The following SMCHD1 variants were observed in gnomAD, a reference collection of about 807,000 sequenced individuals.
SMCHD1 encodes structural maintenance of chromosomes flexible hinge domain-containing protein 1.
In SMCHD1, 78 loss-of-function variants were observed where a neutral mutation model predicts 254.7. The observed-to-expected ratio is 0.31, with a 90% confidence interval of 0.26 to 0.37. The LOEUF is 0.37. Among genes scored for constraint, SMCHD1 ranks in the 10% least tolerant of loss-of-function variants. The probability of loss-of-function intolerance (pLI) is 1.00; values close to 1 mark genes in which losing one functional copy is unlikely to be tolerated. For synonymous variants in SMCHD1, 766 were observed against 794.9 expected (o/e 0.96, Z 0.61); for missense variants, 1,840 against 2,408.1 (o/e 0.76, Z 4.94).
At chr18:2,794,906 C>T (rs2076230742) in intron 45 of SMCHD1, among the ~76,000 whole-genome samples, 1 of 152,088 alleles carries the variant, frequency 6.6e-6, no homozygotes, top group Non-Finnish European at 1.5e-5. Flanking sequence ...TTTCTATATA[C>T]TGTTCTGTGG....
chr18:2,789,578 A>G (rs1598450848), intron 45 of SMCHD1, among the ~76,000 whole-genome samples: 1 of 152,052 alleles, frequency 6.6e-6, no homozygotes, highest in Non-Finnish European at 1.5e-5. Flanking sequence ...TTCAGCTTAC[A>G]TTTTTCAACT....
intron 25 of SMCHD1, among the ~76,000 whole-genome samples, chr18:2,736,004 A>T (rs1390629471): frequency 1.3e-5 from 2 of 152,226 alleles, no homozygotes; most frequent in Admixed American, 1.3e-4. Context: ...CCCATCTTCA[A>T]ACTGTTCTGC....
chr18:2,709,232 G>GTATATA (rs1555635615), intron 17 of SMCHD1, among the ~76,000 whole-genome samples: 5 of 79,654 alleles, frequency 6.3e-5, no homozygotes, highest in African/African-American at 1.0e-4. Flanking sequence ...GTGTATATGT[G>GTATATA]TATATATATA....
chr18:2,685,862 C>T (rs1403208409), intron 5 of SMCHD1, among the ~76,000 whole-genome samples: 1 of 152,108 alleles, frequency 6.6e-6, no homozygotes, highest in East Asian at 1.9e-4. Flanking sequence ...TCTATCAGTT[C>T]ATAGATTAAT....
intron 41 of SMCHD1, 118 bp from the exon 42 acceptor site, chr18:2,775,616 T>A (rs2076054246): frequency 1.5e-6 from 1 of 688,630 alleles, no homozygotes; most frequent in Non-Finnish European, 2.2e-6. Context: ...CTTGACAGTT[T>A]ATTTTTAATT....
chr18:2,675,390 G>A (rs142807438), intron 5 of SMCHD1, among the ~76,000 whole-genome samples: 4,630 of 149,306 alleles, frequency 0.031, 133 homozygotes, highest in South Asian at 0.13. Flanking sequence ...TCAGCCTCCC[G>A]AGTAGCTGCG....
At chr18:2,660,962 A>G (rs1006512425) in intron 1 of SMCHD1, among the ~76,000 whole-genome samples, 5 of 152,228 alleles carry the variant, frequency 3.3e-5, no homozygotes, top group African/African-American at 1.2e-4. Flanking sequence ...GATAAAGATA[A>G]TGTGGCACAT....
chr18:2,776,056 T>C, intron 42 of SMCHD1, 132 bp downstream of exon 42: 1 of 802,022 alleles, frequency 1.2e-6, no homozygotes, highest in East Asian at 2.9e-5. Flanking sequence ...TACGTTATTT[T>C]TGTCTTCATC....
intron 5 of SMCHD1, among the ~76,000 whole-genome samples, chr18:2,679,264 G>A (rs1173482400): frequency 2.5e-4 from 5 of 20,030 alleles, no homozygotes. Context: ...CAGATCACAA[G>A]ATCAGGAGAT....
At chr18:2,760,531 T>A in intron 34 of SMCHD1, 121 bp from the exon 35 acceptor site, 1 of 660,858 alleles carries the variant, frequency 1.5e-6, no homozygotes. Context: ...CAATATACTA[T>A]TAGTAGTTCT....
At chr18:2,799,059 G>A (rs1161390732) in intron 47 of SMCHD1, among the ~76,000 whole-genome samples, 2 of 152,128 alleles carry the variant, frequency 1.3e-5, no homozygotes, top group African/African-American at 4.8e-5. Flanking sequence ...TCGGTCATAT[G>A]TGTATATATC....
intron 44 of SMCHD1, among the ~76,000 whole-genome samples, chr18:2,783,376 C>A (rs1459070383): frequency 6.6e-6 from 1 of 152,162 alleles, no homozygotes; most frequent in Non-Finnish European, 1.5e-5. Flanking sequence ...CATAGCCCCC[C>A]ACCAAAGTTG....
At chr18:2,741,579 A>C (rs1207537507) in intron 28 of SMCHD1, among the ~76,000 whole-genome samples, 1 of 152,128 alleles carries the variant, frequency 6.6e-6, no homozygotes, top group East Asian at 1.9e-4. Context: ...GCTATTTTCT[A>C]ATGTCGAGCA....
chr18:2,662,514 A>G (rs62084176), intron 1 of SMCHD1, among the ~76,000 whole-genome samples: 55,168 of 151,442 alleles, frequency 0.36, 12,269 homozygotes, highest in African/African-American at 0.63. Flanking sequence ...GTGTGGTGGC[A>G]CACGCCTGTA....
At chr18:2,763,217 A>G (rs367923710) in intron 36 of SMCHD1, among the ~76,000 whole-genome samples, 1 of 152,238 alleles carries the variant, frequency 6.6e-6, no homozygotes, top group Non-Finnish European at 1.5e-5. Flanking sequence ...TGAATATCAT[A>G]TAAGCACCGA....
At chr18:2,731,904 T>C (rs1178792674) in intron 24 of SMCHD1, among the ~76,000 whole-genome samples, 1 of 151,968 alleles carries the variant, frequency 6.6e-6, no homozygotes, top group East Asian at 1.9e-4. Flanking sequence ...CCAGCTACTC[T>C]GGAGGCTGAG....
At chr18:2,744,694 A>G (rs1398776655) in intron 29 of SMCHD1, among the ~76,000 whole-genome samples, 2 of 152,226 alleles carry the variant, frequency 1.3e-5, no homozygotes, top group Admixed American at 6.5e-5. Flanking sequence ...AACTGTAGTC[A>G]TCATCATACA....
intron 45 of SMCHD1, among the ~76,000 whole-genome samples, chr18:2,795,352 C>T (rs986051780): frequency 8.5e-5 from 13 of 152,182 alleles, no homozygotes; most frequent in African/African-American, 2.9e-4. Context: ...AACTGCCATG[C>T]CCAGCCTAAA....
At chr18:2,714,459 T>C (rs1388657860) in intron 17 of SMCHD1, among the ~76,000 whole-genome samples, 1 of 152,094 alleles carries the variant, frequency 6.6e-6, no homozygotes, top group African/African-American at 2.4e-5. Context: ...AGAACATTAA[T>C]TGATTTACAT....
Sources: allele counts gnomAD v4.1 joint callset (sites outside exome capture counted in the v4.1 genomes callset), GRCh38; gene constraint gnomAD v4.1.1; transcripts MANE v1.5; gene names NCBI Gene and HGNC (gene_info 2026-07-23, HGNC 2026-07-21).